The following MTMR7 variants were observed in gnomAD, a reference collection of about 807,000 sequenced individuals.
The protein encoded by MTMR7 is myotubularin related protein 7.
MTMR7 carries 76 observed loss-of-function variants against 81.2 expected under a neutral mutation model. That is an observed-to-expected ratio of 0.94 (90% CI 0.78 to 1.13). The LOEUF (loss-of-function observed/expected upper bound fraction) is 1.13. MTMR7 is among the 50% of genes most tolerant of loss of function. The probability of loss-of-function intolerance (pLI) is 0.00; values close to 1 mark genes in which losing one functional copy is unlikely to be tolerated. For missense variants in MTMR7, 1,044 were observed against 820.0 expected, an observed-to-expected ratio of 1.27 and a Z score of -3.34; for synonymous variants, 372 against 289.8, an observed-to-expected ratio of 1.28 and a Z score of -2.88.
At chr8:17,411,354 C>T (rs1330753821) in intron 1 of MTMR7, among the ~76,000 whole-genome samples, 2 of 152,180 alleles carry the variant, frequency 1.3e-5, no homozygotes, top group Non-Finnish European at 2.9e-5. Context: ...CTGATCCTCT[C>T]TTCAGTCTCC....
chr8:17,391,965 G>C (rs564910709), intron 1 of MTMR7, among the ~76,000 whole-genome samples: 2 of 152,216 alleles, frequency 1.3e-5, no homozygotes, highest in South Asian at 2.1e-4. Context: ...CAGGGGAAAG[G>C]GCACTAGGAA....
intron 3 of MTMR7, among the ~76,000 whole-genome samples, chr8:17,364,952 T>C (rs996847436): frequency 6.6e-6 from 1 of 152,256 alleles, no homozygotes; most frequent in African/African-American, 2.4e-5. Context: ...TGTGGAATCA[T>C]ACGATAATTC....
intron 1 of MTMR7, among the ~76,000 whole-genome samples, chr8:17,391,215 C>A (rs1346291171): frequency 2.0e-5 from 3 of 152,046 alleles, no homozygotes; most frequent in Non-Finnish European, 4.4e-5. Flanking sequence ...CCTTGTAGGG[C>A]CTGCCGGGAC....
intron 1 of MTMR7, among the ~76,000 whole-genome samples, chr8:17,379,422 G>A (rs1320547716): frequency 6.6e-6 from 1 of 152,204 alleles, no homozygotes; most frequent in Non-Finnish European, 1.5e-5. Flanking sequence ...AAGGAAAGAT[G>A]CCTGTTAGTG....
chr8:17,351,668 T>G (rs774139793), intron 4 of MTMR7, among the ~76,000 whole-genome samples: 5 of 152,236 alleles, frequency 3.3e-5, no homozygotes, highest in African/African-American at 4.8e-5. Context: ...TTATGAGGAT[T>G]TCTGCCTTCC....
chr8:17,348,925 T>G (rs946946471), intron 5 of MTMR7, 28 bp downstream of exon 5: 10 of 1,612,986 alleles, frequency 6.2e-6, no homozygotes, highest in Non-Finnish European at 8.5e-6. Flanking sequence ...AAGCAAAGTG[T>G]AAAACAAAAA....
rs996088294 is a variant in MTMR7 at position 17,297,823 on chromosome 8, T to A, written c.*2039A>T. ...AATAAGCAATAAATGTAACCTTTTA[T>A]ATAAATCTCAGTGCTAGGTTAACTT... On this transcript the variant is annotated 3_prime_UTR_variant, in exon 14 of 14. Transcript: ENST00000180173. 2.0e-5 allele frequency: 3 copies of A among 150,530 alleles called. No individual in the cohort carries two copies. The highest frequency in any genetic ancestry group is 7.4e-5 in the African/African-American group (3 of 40,754). 9.3% of individuals were successfully genotyped at this position (150,530 alleles called of 1,614,324 possible). A position where few individuals can be genotyped will look rare whatever the true frequency, so the allele number is the denominator to read the frequency against.
chr8:17,405,867 CA>C (rs1821566080), intron 1 of MTMR7, among the ~76,000 whole-genome samples: 1 of 93,248 alleles, frequency 1.1e-5, no homozygotes, highest in Non-Finnish European at 2.2e-5. Context: ...CACACACACA[CA>C]CACACACACA....
intron 3 of MTMR7, among the ~76,000 whole-genome samples, chr8:17,363,172 C>T (rs946055524): frequency 6.6e-6 from 1 of 152,200 alleles, no homozygotes; most frequent in Admixed American, 6.5e-5. Context: ...CATGTGAAAC[C>T]TCAGATCCTG....
intron 11 of MTMR7, among the ~76,000 whole-genome samples, chr8:17,304,769 T>TGTGTGTGTGTGTGTGTGTGTGTGTGTGTG: frequency 1.6e-5 from 1 of 61,012 alleles, no homozygotes; most frequent in African/African-American, 1.3e-4. Flanking sequence ...GTGTGTGTGT[T>TGTGTGTGTGTGTGTGTGTGTGTGTGTGTG]AAGCTGTTCT....
chr8:17,397,565 T>C (rs1038157295), intron 1 of MTMR7, among the ~76,000 whole-genome samples: 1 of 152,068 alleles, frequency 6.6e-6, no homozygotes, highest in South Asian at 2.1e-4. Flanking sequence ...GAATATAACA[T>C]GAGGTACGTT....
At chr8:17,393,250 TCTC>T in intron 1 of MTMR7, among the ~76,000 whole-genome samples, 1 of 152,288 alleles carries the variant, frequency 6.6e-6, no homozygotes, top group South Asian at 2.1e-4. Context: ...TGGACCTCTA[TCTC>T]ACACCATATA....
intron 1 of MTMR7, among the ~76,000 whole-genome samples, chr8:17,376,191 A>G (rs2150568776): frequency 6.6e-6 from 1 of 152,336 alleles, no homozygotes; most frequent in African/African-American, 2.4e-5. Context: ...ATACTTTGAT[A>G]GTGGTTTCTT....
chr8:17,304,638 G>C lies in MTMR7; in HGVS notation c.1353-119C>G. On this transcript the variant is annotated intron_variant, in intron 11 of 13. Coordinates refer to ENST00000180173, the MANE Select transcript of MTMR7 (RefSeq NM_004686.5). ...TTACCTGAAAACCACGTGTCTGTTC[G>C]ATAGCAGGTAAATGTATCATCTTGG... is the stretch of plus-strand genomic sequence containing the variant. 7 of 999,114 alleles carry C rather than the reference G, an allele frequency of 7.0e-6. No individual in the cohort carries two copies. In the South Asian group the frequency reaches 8.0e-5, roughly 11 times the overall value. 61.9% of individuals were successfully genotyped at this position (999,114 alleles called of 1,614,324 possible).
chr8:17,409,887 C>G (rs1821691620), intron 1 of MTMR7, among the ~76,000 whole-genome samples: 1 of 152,100 alleles, frequency 6.6e-6, no homozygotes, highest in Non-Finnish European at 1.5e-5. Flanking sequence ...AGAACTGGTC[C>G]CACTGGAGAA....
chr8:17,373,650 T>C (rs1036954098), intron 1 of MTMR7, among the ~76,000 whole-genome samples: 1 of 152,250 alleles, frequency 6.6e-6, no homozygotes, highest in Non-Finnish European at 1.5e-5. Context: ...CATTTTCCTA[T>C]GTGTTTCTAG....
chr8:17,360,690 T>C (rs549484066), intron 4 of MTMR7, among the ~76,000 whole-genome samples: 3 of 152,120 alleles, frequency 2.0e-5, no homozygotes, highest in East Asian at 1.9e-4. Flanking sequence ...CTTGGTGACC[T>C]TGTGTACCAA....
chr8:17,345,569 T>A (rs1359257006), intron 5 of MTMR7, among the ~76,000 whole-genome samples: 1 of 152,232 alleles, frequency 6.6e-6, no homozygotes, highest in African/African-American at 2.4e-5. Flanking sequence ...GCTGTCCCTG[T>A]AACCTAGAGC....
At chr8:17,397,813 G>A (rs1435584819) in intron 1 of MTMR7, among the ~76,000 whole-genome samples, 2 of 152,166 alleles carry the variant, frequency 1.3e-5, no homozygotes, top group Non-Finnish European at 2.9e-5. Context: ...TGTAGTCCCA[G>A]TGGTGGTGGC....
Sources: gnomAD v4.1 joint callset for allele counts (sites outside exome capture counted in the v4.1 genomes callset) on GRCh38, gnomAD v4.1.1 for gene constraint, MANE v1.5 for transcripts, NCBI Gene and HGNC (gene_info 2026-07-23, HGNC 2026-07-21) for gene names.